The following PEX14 variants were observed in gnomAD, a reference collection of about 807,000 sequenced individuals.
The protein encoded by PEX14 is peroxisomal membrane protein PEX14.
In PEX14, 15 loss-of-function variants were observed where a neutral mutation model predicts 49.5. The ratio of observed to expected loss-of-function variants is 0.30; its 90% CI spans 0.20 to 0.47. PEX14 has a LOEUF of 0.47. Among genes scored for constraint, PEX14 ranks in the 20% least tolerant of loss-of-function variants. PEX14 has a pLI of 1.00. For synonymous variants in PEX14, 210 were observed against 212.7 expected (o/e 0.99, Z 0.11); for missense variants, 398 against 494.8 (o/e 0.80, Z 1.86).
In PEX14 at chr1:10,630,196, C is replaced by T. The variant is rs1230771480; in HGVS notation, c.*209C>T. On this transcript the variant is annotated 3_prime_UTR_variant, in exon 9 of 9. Coordinates refer to ENST00000356607, the MANE Select transcript of PEX14 (RefSeq NM_004565.3). This position sits in a 1 kb window ranked among gnomAD's most constrained non-coding sequence, Gnocchi z 4.1. Reference sequence around the variant, plus strand: ...TCTCGCCTGGCCGCCAGCCCCAGCCCCAGCCCCAGCCCCAGGCCCAGCTGC... The same window carrying T: ...TCTCGCCTGGCCGCCAGCCCCAGCCTCAGCCCCAGCCCCAGGCCCAGCTGC... 2.8e-6 allele frequency: 2 copies of T among 719,814 alleles called. No homozygotes were observed. The highest frequency in any genetic ancestry group is 3.6e-5 in the African/African-American group (2 of 55,828). 44.6% of individuals were successfully genotyped at this position (719,814 alleles called of 1,614,324 possible).
intron 4 of PEX14, among the ~76,000 whole-genome samples, chr1:10,607,240 T>C (rs1025948849): frequency 6.6e-6 from 1 of 152,140 alleles, no homozygotes; most frequent in African/African-American, 2.4e-5. Context: ...CTTTTTACCA[T>C]TGGGTGGGTG....
chr1:10,535,686 A>G (rs546631983), intron 2 of PEX14, among the ~76,000 whole-genome samples: 1 of 152,322 alleles, frequency 6.6e-6, no homozygotes, highest in Non-Finnish European at 1.5e-5. Context: ...GAAGAATTGA[A>G]GAGAATAGGG....
chr1:10,490,234 T>C (rs1434819561), intron 1 of PEX14, among the ~76,000 whole-genome samples: 1 of 151,998 alleles, frequency 6.6e-6, no homozygotes, highest in Non-Finnish European at 1.5e-5. Flanking sequence ...GGATCGAATC[T>C]TATTCTTCCC....
chr1:10,566,507 A>G (rs1312443473), intron 3 of PEX14, among the ~76,000 whole-genome samples: 1 of 140,012 alleles, frequency 7.1e-6, no homozygotes, highest in Middle Eastern at 3.8e-3. Context: ...TTTTTTTTTG[A>G]CGTGGAATTT....
chr1:10,592,470 T>C (rs1444819418), intron 3 of PEX14, among the ~76,000 whole-genome samples: 2 of 152,202 alleles, frequency 1.3e-5, no homozygotes, highest in Admixed American at 1.3e-4. Flanking sequence ...TGGATGCTGA[T>C]TGGAAACCCT....
intron 1 of PEX14, among the ~76,000 whole-genome samples, chr1:10,475,631 C>T (rs1217833279): frequency 6.6e-6 from 1 of 152,200 alleles, no homozygotes; most frequent in Non-Finnish European, 1.5e-5. Flanking sequence ...CCGAGGGCTC[C>T]GCTCTAGCTT....
At chr1:10,552,763 G>C (rs9430149) in intron 3 of PEX14, among the ~76,000 whole-genome samples, 37,758 of 152,126 alleles carry the variant, frequency 0.25, 5,548 homozygotes, top group Admixed American at 0.33. Context: ...TGGAGGCCTG[G>C]GGGGAGAGCG....
chr1:10,574,024 C>T (rs1640054339), intron 3 of PEX14, among the ~76,000 whole-genome samples: 1 of 152,192 alleles, frequency 6.6e-6, no homozygotes, highest in Non-Finnish European at 1.5e-5. Context: ...ATCGCTTGAA[C>T]CTGGGAGGTG....
intron 2 of PEX14, among the ~76,000 whole-genome samples, chr1:10,503,400 A>C (rs1641722082): frequency 6.6e-6 from 1 of 151,252 alleles, no homozygotes; most frequent in Non-Finnish European, 1.5e-5. Context: ...AGCGGTTTTC[A>C]AACTGGGGGC....
At chr1:10,555,642 AGTGTGTGTGTGT>A (rs56824548) in intron 3 of PEX14, among the ~76,000 whole-genome samples, 1 of 149,372 alleles carries the variant, frequency 6.7e-6, no homozygotes, top group Non-Finnish European at 1.5e-5. Flanking sequence ...GCAAGGTGTG[AGTGTGTGTGTGT>A]GTGTGTGTGT....
intron 3 of PEX14, among the ~76,000 whole-genome samples, chr1:10,598,586 A>C (rs1640893391): frequency 6.6e-6 from 1 of 152,250 alleles, no homozygotes; most frequent in Admixed American, 6.5e-5. Flanking sequence ...AAGAAAAACT[A>C]GCCAAAGGCG....
chr1:10,537,860 AAGAG>A (rs753970546), intron 3 of PEX14, among the ~76,000 whole-genome samples: 3 of 152,156 alleles, frequency 2.0e-5, no homozygotes, highest in Non-Finnish European at 2.9e-5. Flanking sequence ...TGAAAAAAAA[AAGAG>A]AGAGAGAAAC....
rs1206446924 is a variant in PEX14 at position 10,514,622 on chromosome 1, C to T, written c.84+19301C>T. Among the ~76,000 whole-genome samples the T allele has an allele frequency of 1.3e-5, 2 of 152,138 alleles. No homozygotes were observed. The highest frequency in any genetic ancestry group is 3.8e-4 in the East Asian group (2 of 5,196). On this transcript the variant is annotated intron_variant, in intron 2 of 8. Transcript: ENST00000356607. The surrounding 1 kb of genome is among the most constrained non-coding windows in gnomAD (Gnocchi z 4.4). ...TAGGCCATTGGGTGTCACTGTCGCT[C>T]TACTGGCTATAGGAGAAAGAGGGGT...
intron 2 of PEX14, among the ~76,000 whole-genome samples, chr1:10,530,948 A>G (rs1638632019): frequency 6.6e-6 from 1 of 152,024 alleles, no homozygotes; most frequent in African/African-American, 2.4e-5. Flanking sequence ...GGTTTAGGAT[A>G]TGTCACCTTT....
chr1:10,497,086 T>C (rs1160733476), intron 2 of PEX14, among the ~76,000 whole-genome samples: 1 of 152,116 alleles, frequency 6.6e-6, no homozygotes, highest in Non-Finnish European at 1.5e-5. Context: ...CTTCCCCCAC[T>C]TTTTTGTTTA....
intron 1 of PEX14, among the ~76,000 whole-genome samples, chr1:10,491,672 TC>T (rs1442831307): frequency 2.5e-5 from 3 of 117,952 alleles, no homozygotes; most frequent in Admixed American, 1.0e-4. Flanking sequence ...TTGGCCATGC[TC>T]CTTTTTTTTT....
intron 1 of PEX14, among the ~76,000 whole-genome samples, chr1:10,485,915 C>T (rs1641360221): frequency 6.7e-6 from 1 of 148,960 alleles, no homozygotes; most frequent in Non-Finnish European, 1.5e-5. Flanking sequence ...GCCACCACGC[C>T]TGGCTAATTT....
chr1:10,605,876 A>C (rs570194788), intron 4 of PEX14, among the ~76,000 whole-genome samples: 1 of 152,228 alleles, frequency 6.6e-6, no homozygotes, highest in South Asian at 2.1e-4. Context: ...ATTAGCAAGC[A>C]CCCTCTCCAT....
chr1:10,519,477 G>A (rs1303312115), intron 2 of PEX14, among the ~76,000 whole-genome samples: 2 of 152,168 alleles, frequency 1.3e-5, no homozygotes, highest in Admixed American at 6.5e-5. Context: ...GAATACCACC[G>A]CCTGTCTCAG....
Sources: allele counts gnomAD v4.1 joint callset (sites outside exome capture counted in the v4.1 genomes callset), GRCh38; gene constraint gnomAD v4.1.1; non-coding constraint Gnocchi (gnomAD v3.1); transcripts MANE v1.5; gene names NCBI Gene and HGNC (gene_info 2026-07-23, HGNC 2026-07-21).